Variants in AFDN observed in about 807,000 individuals in gnomAD.
AFDN encodes the protein afadin.
Under a neutral mutation model 216.6 loss-of-function variants are expected in AFDN, and 68 were observed. The observed-to-expected ratio is 0.31, with a 90% CI of 0.26 to 0.38. The LOEUF (loss-of-function observed/expected upper bound fraction) is 0.38, where lower values mean the gene tolerates loss of function less well. Ranked by LOEUF, AFDN falls within the 10% of genes least tolerant of loss-of-function variation. The probability of loss-of-function intolerance (pLI) is 1.00; values close to 1 mark genes in which losing one functional copy is unlikely to be tolerated. For synonymous variants in AFDN, 868 were observed against 853.7 expected, an observed-to-expected ratio of 1.02 and a Z score of -0.29; for missense variants, 2,136 against 2,342.0, an observed-to-expected ratio of 0.91 and a Z score of 1.82.
intron 7 of AFDN, 120 bp from the exon 8 acceptor site, chr6:167,890,741 TG>T: frequency 1.2e-6 from 1 of 867,026 alleles, no homozygotes; most frequent in Non-Finnish European, 1.8e-6. Flanking sequence ...AGTGATTCCT[TG>T]GCAGATGTTC....
chr6:167,864,532 C>T lies in AFDN; in HGVS notation c.106-19C>T, dbSNP rs577136572. 7.0e-5 allele frequency: 111 copies of T among 1,594,650 alleles called. No homozygotes were observed. In the South Asian group the frequency reaches 1.2e-3, roughly 17 times the overall value. ...CAGAATGTTGTTTTCCAAAAATGTA[C>T]CATTTTGTTTTCTTTTAGGATTTGG... On this transcript the variant is annotated intron_variant, in intron 1 of 33. Transcript: ENST00000683244.
At chr6:167,859,264 A>G (rs1783265430) in intron 1 of AFDN, among the ~76,000 whole-genome samples, 2 of 152,154 alleles carry the variant, frequency 1.3e-5, no homozygotes, top group African/African-American at 4.8e-5. Context: ...AAAGCTGTTA[A>G]CACCTTAATG....
intron 22 of AFDN, among the ~76,000 whole-genome samples, chr6:167,923,620 CTTTTTTTTTTT>C (rs35743665): frequency 8.9e-6 from 1 of 111,968 alleles, no homozygotes. Flanking sequence ...TACCCTAATA[CTTTTTTTTTTT>C]TTTTTTTTTT....
intron 1 of AFDN, among the ~76,000 whole-genome samples, chr6:167,837,867 A>G (rs530810234): frequency 6.6e-6 from 1 of 152,246 alleles, no homozygotes; most frequent in Non-Finnish European, 1.5e-5. Flanking sequence ...TTATAGGAAA[A>G]TAATATCCAA....
At position 167,891,979 on chromosome 6, in the gene AFDN, G is replaced by T. The variant is rs564445030; in HGVS notation, c.1177+950G>T. ...TTACATTTTTTCTTCTTTGATTTTTGAGAGTTTATTTTTATTTGCAAGGTT... is the reference window on the plus strand; with the variant it reads ...TTACATTTTTTCTTCTTTGATTTTTTAGAGTTTATTTTTATTTGCAAGGTT... On this transcript the variant is annotated intron_variant, in intron 8 of 33. Transcript: ENST00000683244. Among the ~76,000 whole-genome samples the T allele has an allele frequency of 7.8e-4, 119 of 152,182 alleles. 1 individual carries two copies. The highest frequency in any genetic ancestry group is 2.7e-3 in the African/African-American group (114 of 41,516).
intron 1 of AFDN, among the ~76,000 whole-genome samples, chr6:167,841,901 T>TTACTTCCCTTCCTCTCTGTCC (rs2128131886): frequency 6.6e-6 from 1 of 152,240 alleles, no homozygotes; most frequent in East Asian, 1.9e-4. Flanking sequence ...TCCTTCTGTC[T>TTACTTCCCTTCCTCTCTGTCC]TACTTCCCTT....
chr6:167,859,968 A>T (rs1783356501), intron 1 of AFDN, among the ~76,000 whole-genome samples: 1 of 152,060 alleles, frequency 6.6e-6, no homozygotes, highest in Admixed American at 6.5e-5. Context: ...AGAAATAACC[A>T]TTAAGGAAAG....
intron 30 of AFDN, among the ~76,000 whole-genome samples, chr6:167,960,459 A>T (rs551854141): frequency 3.9e-4 from 59 of 152,366 alleles, no homozygotes; most frequent in African/African-American, 1.3e-3. Context: ...TTGGTCTATC[A>T]TTGTGTAACA....
chr6:167,939,085 T>TA (rs932478015), intron 23 of AFDN, among the ~76,000 whole-genome samples: 1 of 152,208 alleles, frequency 6.6e-6, no homozygotes, highest in African/African-American at 2.4e-5. Context: ...ATACCAGAAA[T>TA]GGAGGAAGGA....
intron 9 of AFDN, among the ~76,000 whole-genome samples, chr6:167,895,994 T>G (rs538650284): frequency 6.6e-6 from 1 of 152,292 alleles, no homozygotes; most frequent in South Asian, 2.1e-4. Flanking sequence ...AGGCACATTT[T>G]CTCATATGTC....
chr6:167,953,779 C>T lies in AFDN; in HGVS notation c.4833+1592C>T, dbSNP rs537898279. Reference sequence around the variant, plus strand: ...CATGCTCCTCTGCTCTGGCCAGTGTCGCTCCTGGGTGCACTAAGATGGATT... The same window carrying T: ...CATGCTCCTCTGCTCTGGCCAGTGTTGCTCCTGGGTGCACTAAGATGGATT... On this transcript the variant is annotated intron_variant, in intron 30 of 33. Transcript: ENST00000683244. Among the ~76,000 whole-genome samples, 9 of 152,304 alleles carry T rather than the reference C, an allele frequency of 5.9e-5. No homozygotes were observed. In the South Asian group the frequency reaches 6.2e-4, roughly 11 times the overall value.
At chr6:167,897,240 A>T (rs561423968) in intron 10 of AFDN, among the ~76,000 whole-genome samples, 1 of 152,292 alleles carries the variant, frequency 6.6e-6, no homozygotes, top group South Asian at 2.1e-4. Context: ...GATGGTGATG[A>T]TACTTTTATA....
chr6:167,953,444 T>C (rs1796205284), intron 30 of AFDN, among the ~76,000 whole-genome samples: 1 of 152,212 alleles, frequency 6.6e-6, no homozygotes. Context: ...AATGTGTGTA[T>C]ATATAAAACT....
chr6:167,826,817 C>CA (rs1779099421), upstream of AFDN: 3 of 142,762 alleles, frequency 2.1e-5, no homozygotes, highest in Non-Finnish European at 4.7e-5. Flanking sequence ...TGCGGCGGCG[C>CA]CGCGCGGGGC....
At chr6:167,959,012 T>C (rs1796788577) in intron 30 of AFDN, among the ~76,000 whole-genome samples, 1 of 152,240 alleles carries the variant, frequency 6.6e-6, no homozygotes, top group Non-Finnish European at 1.5e-5. Context: ...AAATATGTAT[T>C]AAAACCAACA....
intron 21 of AFDN, among the ~76,000 whole-genome samples, chr6:167,920,665 T>C (rs1393232480): frequency 1.3e-5 from 2 of 152,190 alleles, no homozygotes; most frequent in African/African-American, 2.4e-5. Flanking sequence ...TAATTTAAAC[T>C]GTTGAGCATG....
chr6:167,902,442 G>C, intron 12 of AFDN, 56 bp downstream of exon 12: 2 of 1,266,268 alleles, frequency 1.6e-6, no homozygotes, highest in Admixed American at 1.7e-5. Flanking sequence ...CACCATGGAT[G>C]AATACAGTAG....
At chr6:167,860,075 C>T (rs967098220) in intron 1 of AFDN, among the ~76,000 whole-genome samples, 5 of 150,894 alleles carry the variant, frequency 3.3e-5, no homozygotes, top group African/African-American at 1.2e-4. Flanking sequence ...TATTATCTTA[C>T]CTATTCTAAA....
intron 2 of AFDN, chr6:167,864,954 A>C (rs1784010040): frequency 1.4e-6 from 1 of 735,378 alleles, no homozygotes; most frequent in Non-Finnish European, 2.5e-6. Context: ...ATCTGTTGGA[A>C]GTTAGAATGA....
Sources: allele counts gnomAD v4.1 joint callset (sites outside exome capture counted in the v4.1 genomes callset), GRCh38; gene constraint gnomAD v4.1.1; transcripts MANE v1.5; gene names NCBI Gene and HGNC (gene_info 2026-07-23, HGNC 2026-07-21).